The following GPRC5B variants were observed in gnomAD, a reference collection of about 807,000 sequenced individuals.
GPRC5B encodes the protein G protein-coupled receptor family C group 5 member B.
In GPRC5B, 16 loss-of-function variants were observed where a neutral mutation model predicts 30.1. The observed-to-expected ratio is 0.53, with a 90% CI of 0.36 to 0.81. The LOEUF (loss-of-function observed/expected upper bound fraction) is 0.81. Among genes scored for constraint, GPRC5B ranks in the 30% least tolerant of loss-of-function variants. The pLI is 0.01. For missense variants in GPRC5B, 428 were observed against 544.7 expected (o/e 0.79, Z 2.13); for synonymous variants, 241 against 239.5 (o/e 1.01, Z -0.06).
At position 19,871,823 on chromosome 16, in the gene GPRC5B, G is replaced by A; in HGVS notation, c.1023C>T (p.His341=). 1.2e-6 allele frequency: 2 copies of A among 1,613,120 alleles called. No individual in the cohort carries two copies. The highest frequency in any genetic ancestry group is 1.7e-6 in the Non-Finnish European group (2 of 1,179,344). The change falls in exon 2 of 4, where the codon CAC becomes CAT. Residue 341 remains histidine (H), a synonymous_variant. Transcript: ENST00000300571. The part of the protein sequence containing the change: ...MENKAFSMDE[H]NAALRTAGFP... ...GGGTGGTGCCCACTTTACCTGCATT[G>A]TGTTCATCCATGGAGAAGGCCTTGT...
intron 1 of GPRC5B, among the ~76,000 whole-genome samples, chr16:19,878,681 G>A (rs147975320): frequency 6.6e-6 from 1 of 152,126 alleles, no homozygotes; most frequent in African/African-American, 2.4e-5. Flanking sequence ...GGACCTTGTC[G>A]TCTGCACCAT....
At position 19,869,333 on chromosome 16, in the gene GPRC5B, CAA is replaced by C. The variant is rs35252104; in HGVS notation, c.1030+2481_1030+2482del. Among the ~76,000 whole-genome samples the C allele has an allele frequency of 4.7e-4, 29 of 61,976 alleles. No homozygotes were observed. The South Asian group carries it at 5.6e-3, about 12-fold the overall frequency. The allele number at this position is 61,976 out of a possible 152,430, so 40.7% of individuals were successfully genotyped here. A position where few individuals can be genotyped will look rare whatever the true frequency, so the allele number is the denominator to read the frequency against. ...TGGGTGACAGAGTGAGACTCTGCCTCAAAAAAAAAAAAAAAAAAAAGACAGAT... is the reference window on the plus strand; with the variant it reads ...TGGGTGACAGAGTGAGACTCTGCCTCAAAAAAAAAAAAAAAAAAGACAGAT... On this transcript the variant is annotated intron_variant, in intron 2 of 3. Transcript: ENST00000300571.
rs116396457 is a variant in GPRC5B, at chr16:19,880,071, T to G, written c.-2+4656A>C. On this transcript the variant is annotated intron_variant, in intron 1 of 3. Coordinates refer to ENST00000300571, the MANE Select transcript of GPRC5B (RefSeq NM_016235.3). The stretch of plus-strand genomic sequence containing the variant: ...ATCGCTTGAGCCCAAGAGTTTGAGC[T>G]GCAGTGAGCCGTGACTGAGCCACTT... 9.4e-3 allele frequency among the ~76,000 whole-genome samples: 1,421 copies of G among 151,750 alleles called. 26 individuals carry two copies. The highest frequency in any genetic ancestry group is 0.033 in the African/African-American group (1,345 of 41,322).
intron 2 of GPRC5B, among the ~76,000 whole-genome samples, chr16:19,865,303 A>G (rs1014570477): frequency 1.3e-5 from 2 of 152,124 alleles, no homozygotes; most frequent in African/African-American, 4.8e-5. Flanking sequence ...GAAGAGGTGG[A>G]GAGATGGGGC....
chr16:19,858,782 G>A lies in GPRC5B; in HGVS notation c.*1718C>T, dbSNP rs1292701498. The A allele has an allele frequency of 1.0e-5, 4 of 388,596 alleles. No individual in the cohort carries two copies. Among genetic ancestry groups the A allele is most frequent in the Non-Finnish European group, 1.8e-5 (4 of 220,136 alleles). 24.1% of individuals were successfully genotyped at this position (388,596 alleles called of 1,614,324 possible). A position where few individuals can be genotyped will look rare whatever the true frequency, so the allele number is the denominator to read the frequency against. On this transcript the variant is annotated 3_prime_UTR_variant, in exon 4 of 4. Coordinates refer to ENST00000300571, the MANE Select transcript of GPRC5B (RefSeq NM_016235.3). Reference sequence around the variant, plus strand: ...CTCTGGGCAGAGGCGGGGTGCTTCCGGGGAGGTCAGGTGGGGGTGGCATTC... The same window carrying A: ...CTCTGGGCAGAGGCGGGGTGCTTCCAGGGAGGTCAGGTGGGGGTGGCATTC...
intron 2 of GPRC5B, among the ~76,000 whole-genome samples, chr16:19,868,437 A>G (rs1000502824): frequency 6.6e-6 from 1 of 152,276 alleles, no homozygotes; most frequent in Non-Finnish European, 1.5e-5. Flanking sequence ...CGTTTCAGGA[A>G]TTCTTGCTAT....
At position 19,872,498 on chromosome 16, in the gene GPRC5B, C is replaced by T; in HGVS notation, c.348G>A (p.Gln116=). ...LFGLTFAFII[Q]EDETICSVRR... Reference sequence around the variant, plus strand: ...GGACAGAGCAGATGGTCTCGTCCTCCTGGATGATGAAGGCAAACGTCAGCC... The same window carrying T: ...GGACAGAGCAGATGGTCTCGTCCTCTTGGATGATGAAGGCAAACGTCAGCC... The change falls in exon 2 of 4, where the codon CAG becomes CAA. Residue 116 remains glutamine, a synonymous_variant. Coordinates refer to ENST00000300571, the MANE Select transcript of GPRC5B (RefSeq NM_016235.3). This position sits in a 1 kb window ranked among gnomAD's most constrained non-coding sequence, Gnocchi z 5.0. 1.9e-6 allele frequency: 3 copies of T among 1,613,984 alleles called. No homozygotes were observed. The highest frequency in any genetic ancestry group is 2.5e-6 in the Non-Finnish European group (3 of 1,179,882).
At chr16:19,885,113 G>A (rs981039717), upstream of GPRC5B, 3 of 945,522 alleles carry the variant, frequency 3.2e-6, no homozygotes, top group African/African-American at 5.1e-5. This position sits in a 1 kb window ranked among gnomAD's most constrained non-coding sequence, Gnocchi z 5.3. Flanking sequence ...CCCCCACAAC[G>A]TCAGTGCGCC....
intron 1 of GPRC5B, among the ~76,000 whole-genome samples, chr16:19,875,319 A>G (rs540027680): frequency 1.3e-5 from 2 of 152,330 alleles, no homozygotes; most frequent in East Asian, 3.9e-4. Flanking sequence ...TCGGCCTGCA[A>G]TCCAGCACTT....
In GPRC5B at chr16:19,872,041, C is replaced by T. The variant is rs760177081; in HGVS notation, c.805G>A (p.Asp269Asn). 26 of 1,613,872 alleles carry T rather than the reference C, an allele frequency of 1.6e-5. No individual in the cohort carries two copies. The highest frequency in any genetic ancestry group is 1.6e-4 in the East Asian group (7 of 44,870). The change falls in exon 2 of 4, where the codon GAC becomes AAC. Residue 269 changes from aspartate to asparagine, a missense_variant. Around this residue, in one of 3 missense-constraint regions of GPRC5B, gnomAD observed 213 missense variants for 229.1 expected, o/e 0.93. Coordinates refer to ENST00000300571, the MANE Select transcript of GPRC5B (RefSeq NM_016235.3). This position sits in a 1 kb window ranked among gnomAD's most constrained non-coding sequence, Gnocchi z 5.0. ...GCCAGCGTGATGGCCAAGGTGGGGTCGTTCCAGGCATCCCCCTGCTGCAGC... is the reference window on the plus strand; with the variant it reads ...GCCAGCGTGATGGCCAAGGTGGGGTTGTTCCAGGCATCCCCCTGCTGCAGC... Reference protein sequence around the residue: ...VKLQQGDAWNDPTLAITLAAS... With the variant: ...VKLQQGDAWNNPTLAITLAAS...
At chr16:19,871,587 G>A (rs954131539) in intron 2 of GPRC5B, among the ~76,000 whole-genome samples, 1 of 152,176 alleles carries the variant, frequency 6.6e-6, no homozygotes, top group Non-Finnish European at 1.5e-5. Flanking sequence ...GCACCATTGT[G>A]CTCCAGCCTG....
upstream of GPRC5B, chr16:19,885,108 A>G (rs961720369): frequency 2.2e-6 from 2 of 922,314 alleles, no homozygotes; most frequent in East Asian, 7.0e-5. The surrounding 1 kb of genome is among the most constrained non-coding windows in gnomAD (Gnocchi z 5.3). Flanking sequence ...CATTCCCCCC[A>G]CAACGTCAGT....
chr16:19,856,780 T>C lies in GPRC5B; in HGVS notation c.*3720A>G. The C allele has an allele frequency of 3.9e-6, 2 of 517,388 alleles. No homozygotes were observed. Among genetic ancestry groups the C allele is most frequent in the Non-Finnish European group, 6.8e-6 (2 of 292,352 alleles). The allele number at this position is 517,388 out of a possible 1,614,324, so 32.0% of individuals were successfully genotyped here. ...ATTATCCCCACATTTTATTCATTCA[T>C]CCAGATTACTTCTTCAGTGCCTCAG... On this transcript the variant is annotated 3_prime_UTR_variant, in exon 4 of 4. Coordinates refer to ENST00000300571, the MANE Select transcript of GPRC5B (RefSeq NM_016235.3).
At chr16:19,883,284 C>G (rs1321307546) in intron 1 of GPRC5B, among the ~76,000 whole-genome samples, 1 of 152,168 alleles carries the variant, frequency 6.6e-6, no homozygotes, top group Non-Finnish European at 1.5e-5. Context: ...ATGGCGGCTC[C>G]TTCCTCCTGG....
upstream of GPRC5B, chr16:19,885,090 T>G: frequency 1.2e-6 from 1 of 814,194 alleles, no homozygotes; most frequent in Non-Finnish European, 1.8e-6. The surrounding 1 kb of genome is among the most constrained non-coding windows in gnomAD (Gnocchi z 5.3). Context: ...GTGCCCCCAA[T>G]TCGGGGACAT....
At chr16:19,878,225 A>G (rs1291083685) in intron 1 of GPRC5B, among the ~76,000 whole-genome samples, 2 of 149,590 alleles carry the variant, frequency 1.3e-5, no homozygotes, top group African/African-American at 4.9e-5. Context: ...ACAAACAAAC[A>G]AAAAAACCCA....
In GPRC5B at chr16:19,871,901, C is replaced by T. The variant is rs754594627; in HGVS notation, c.945G>A (p.Met315Ile). ...CGTCCTCCTCGAAGGCCGTCTCCCG[C>T]ATCCTGGGCTGCGACGTGTCGAAGT... ...PNYFDTSQPRMRETAFEEDVQ... is the reference protein window; with the variant it reads ...PNYFDTSQPRIRETAFEEDVQ... The change falls in exon 2 of 4, where the codon ATG becomes ATA. Residue 315 changes from methionine to isoleucine, a missense_variant. Met to Ile is a conservative substitution (Grantham distance 10). Around this residue, in one of 3 missense-constraint regions of GPRC5B, gnomAD observed 213 missense variants for 229.1 expected, o/e 0.93. Transcript: ENST00000300571. The T allele has an allele frequency of 2.5e-6, 4 of 1,613,966 alleles. No homozygotes were observed. The highest frequency in any genetic ancestry group is 1.1e-5 in the South Asian group (1 of 91,082).
chr16:19,884,928 C>A, upstream of GPRC5B: 1 of 941,944 alleles, frequency 1.1e-6, no homozygotes, highest in Non-Finnish European at 1.3e-6. Flanking sequence ...CGCCCCCGCC[C>A]CCGCCCCCGG....
At chr16:19,863,120 T>C (rs1286510237) in intron 2 of GPRC5B, among the ~76,000 whole-genome samples, 1 of 152,066 alleles carries the variant, frequency 6.6e-6, no homozygotes, top group Non-Finnish European at 1.5e-5. Context: ...CATTTAATTT[T>C]CTTTCTTTCT....
Sources: allele counts gnomAD v4.1 joint callset (sites outside exome capture counted in the v4.1 genomes callset), GRCh38; gene constraint gnomAD v4.1.1; regional missense constraint gnomAD v4.1.1; non-coding constraint Gnocchi (gnomAD v3.1); transcripts MANE v1.5; gene names NCBI Gene and HGNC (gene_info 2026-07-23, HGNC 2026-07-21).